The following SAMD5 variants were observed in gnomAD, a reference collection of about 807,000 sequenced individuals.
SAMD5 encodes sterile alpha motif domain containing 5.
Under a neutral mutation model 11.3 loss-of-function variants are expected in SAMD5, and 13 were observed. That is an observed-to-expected ratio of 1.15 (90% CI 0.75 to 1.83). The LOEUF (loss-of-function observed/expected upper bound fraction) is 1.83. Ranked by LOEUF, SAMD5 falls within the 40% of genes most tolerant of loss-of-function variation. The pLI, the probability that SAMD5 is intolerant of heterozygous loss-of-function variation, is 0.00. For synonymous variants in SAMD5, 129 were observed against 111.3 expected, an observed-to-expected ratio of 1.16 and a Z score of -1.00; for missense variants, 255 against 239.1, an observed-to-expected ratio of 1.07 and a Z score of -0.44.
intron 1 of SAMD5, among the ~76,000 whole-genome samples, chr6:147,634,932 T>A (rs76524711): frequency 0.48 from 73,065 of 151,754 alleles, 19,366 homozygotes; most frequent in South Asian, 0.66. Context: ...ATGAAGCCAC[T>A]TAGTAGTACA....
the SAMD5 span, among the ~76,000 whole-genome samples, chr6:147,870,303 G>C: frequency 6.6e-6 from 1 of 151,982 alleles, no homozygotes; most frequent in Non-Finnish European, 1.5e-5. Context: ...CTTCCCACCT[G>C]TCAAGCATGA....
At chr6:147,593,229 C>T (rs929418935) in intron 1 of SAMD5, among the ~76,000 whole-genome samples, 15 of 152,230 alleles carry the variant, frequency 9.9e-5, no homozygotes, top group South Asian at 2.1e-4. Flanking sequence ...GGAAAATAAA[C>T]GGCTTTATAG....
chr6:147,846,143 G>A, the SAMD5 span, among the ~76,000 whole-genome samples: 2 of 151,992 alleles, frequency 1.3e-5, no homozygotes, highest in Non-Finnish European at 2.9e-5. Context: ...TATCACATAA[G>A]GTATGTGACA....
At chr6:147,775,399 G>A in the SAMD5 span, among the ~76,000 whole-genome samples, 1 of 152,102 alleles carries the variant, frequency 6.6e-6, no homozygotes, top group Non-Finnish European at 1.5e-5. Context: ...TATAGCACCA[G>A]GCTAAGCTTA....
chr6:147,653,277 G>T (rs1006064961), intron 1 of SAMD5, among the ~76,000 whole-genome samples: 3 of 152,188 alleles, frequency 2.0e-5, no homozygotes, highest in Non-Finnish European at 4.4e-5. Flanking sequence ...CAAATAAGAA[G>T]ATGATCTAAA....
the SAMD5 span, among the ~76,000 whole-genome samples, chr6:147,897,910 A>G: frequency 9.3e-5 from 13 of 139,130 alleles, no homozygotes; most frequent in Non-Finnish European, 4.5e-5. Flanking sequence ...GGGCCACTGC[A>G]CTCCAGCCTG....
chr6:147,575,684 C>T lies in SAMD5; in HGVS notation c.162+66297C>T, dbSNP rs1583091438. Among the ~76,000 whole-genome samples, 3 of 152,316 alleles carry T rather than the reference C, an allele frequency of 2.0e-5. 1 individual carries two copies. The highest frequency in any genetic ancestry group is 4.1e-4 in the South Asian group (2 of 4,824). On this transcript the variant is annotated intron_variant, in intron 1 of 1. Transcript: ENST00000566741. ...TATTAGTCATTTTGCGTGTAACTGC[C>T]TGAGACTCAGAATAAGAATATCTTT...
At chr6:147,863,473 A>C in the SAMD5 span, among the ~76,000 whole-genome samples, 7 of 152,216 alleles carry the variant, frequency 4.6e-5, no homozygotes, top group African/African-American at 1.7e-4. Flanking sequence ...ATGTGAAGTT[A>C]AAAGATTTTG....
the SAMD5 span, among the ~76,000 whole-genome samples, chr6:147,752,632 C>A: frequency 6.6e-6 from 1 of 152,052 alleles, no homozygotes; most frequent in African/African-American, 2.4e-5. Context: ...CAAATTAGGG[C>A]TCATGGAAGG....
At chr6:147,537,214 C>T (rs1044508132) in intron 1 of SAMD5, among the ~76,000 whole-genome samples, 4 of 152,076 alleles carry the variant, frequency 2.6e-5, no homozygotes, top group Non-Finnish European at 4.4e-5. Context: ...CGCTAAACGC[C>T]GTTTTATATT....
chr6:147,760,640 G>A, the SAMD5 span, among the ~76,000 whole-genome samples: 631 of 152,282 alleles, frequency 4.1e-3, 2 homozygotes, highest in African/African-American at 0.015. Flanking sequence ...GAGCACTGAT[G>A]TTGAATTTAA....
chr6:147,704,278 A>G (rs1456113048), intron 1 of SAMD5, among the ~76,000 whole-genome samples: 1 of 152,102 alleles, frequency 6.6e-6, no homozygotes, highest in Non-Finnish European at 1.5e-5. Context: ...TGTGGCCTAC[A>G]AAAAGAGGCA....
chr6:147,951,231 G>T, the SAMD5 span, among the ~76,000 whole-genome samples: 3 of 150,900 alleles, frequency 2.0e-5, no homozygotes, highest in East Asian at 5.9e-4. Flanking sequence ...CGCCAGGCTG[G>T]AGTGCAGTGG....
chr6:147,866,154 A>T, the SAMD5 span, among the ~76,000 whole-genome samples: 1 of 152,132 alleles, frequency 6.6e-6, no homozygotes, highest in Non-Finnish European at 1.5e-5. Context: ...ATGCGGAAAT[A>T]CCAGGGTGTG....
chr6:147,592,360 G>C (rs1373134948), intron 1 of SAMD5, among the ~76,000 whole-genome samples: 3 of 152,038 alleles, frequency 2.0e-5, no homozygotes, highest in African/African-American at 4.8e-5. Flanking sequence ...AATGAAGTAG[G>C]GTCAGTCCAG....
chr6:147,666,314 A>G (rs905136462), intron 1 of SAMD5, among the ~76,000 whole-genome samples: 4 of 151,960 alleles, frequency 2.6e-5, no homozygotes, highest in Non-Finnish European at 5.9e-5. Flanking sequence ...TGTGTATCGG[A>G]TGTATTTGTA....
At chr6:147,581,935 G>A (rs1789304256) in intron 1 of SAMD5, among the ~76,000 whole-genome samples, 1 of 152,150 alleles carries the variant, frequency 6.6e-6, no homozygotes, top group Non-Finnish European at 1.5e-5. Flanking sequence ...GTAGACAGTG[G>A]ATAAAGACAC....
chr6:147,944,450 A>C, the SAMD5 span, among the ~76,000 whole-genome samples: 117,480 of 152,036 alleles, frequency 0.77, 45,941 homozygotes, highest in Non-Finnish European at 0.84. Context: ...CTTATTCACT[A>C]TCATGAGAAC....
At chr6:147,682,701 G>A (rs901269443) in intron 1 of SAMD5, among the ~76,000 whole-genome samples, 7 of 152,136 alleles carry the variant, frequency 4.6e-5, no homozygotes, top group Admixed American at 1.3e-4. Flanking sequence ...TCAAATAGTA[G>A]GTTTTGAATT....
Sources: gnomAD v4.1 joint callset for allele counts (sites outside exome capture counted in the v4.1 genomes callset) on GRCh38, gnomAD v4.1.1 for gene constraint, MANE v1.5 for transcripts, NCBI Gene and HGNC (gene_info 2026-07-23, HGNC 2026-07-21) for gene names.